ZNF285: variants seen among roughly 807,000 people sequenced by gnomAD.
ZNF285 encodes the protein zinc finger protein 285A.
Under a neutral mutation model 6.2 loss-of-function variants are expected in ZNF285, and 4 were observed. The ratio of observed to expected loss-of-function variants is 0.65; its 90% CI spans 0.32 to 1.49. The LOEUF (loss-of-function observed/expected upper bound fraction) is 1.49. ZNF285 is among the 40% of genes most tolerant of loss of function. The pLI is 0.07. For synonymous variants in ZNF285, 240 were observed against 245.8 expected, an observed-to-expected ratio of 0.98 and a Z score of 0.22; for missense variants, 695 against 708.8, an observed-to-expected ratio of 0.98 and a Z score of 0.22.
chr19:44,397,303 G>C, intron 1 of ZNF285, 47 bp from the exon 2 acceptor site: 6 of 1,602,004 alleles, frequency 3.7e-6, no homozygotes, highest in Non-Finnish European at 5.1e-6. Context: ...AACAAGTTGT[G>C]AATGAACATT....
In ZNF285 at chr19:44,386,990, A is replaced by G; in HGVS notation, c.1255T>C (p.Trp419Arg). The change falls in exon 4 of 4, where the codon TGG becomes CGG. Residue 419 changes from tryptophan (W) to arginine (R), a missense_variant. Transcript: ENST00000614994. The part of the protein sequence containing the change: ...FSSSSVLQVH[W>R]RFHTGEKPYR... ...GGTTTCTCCCCTGTGTGAAACCTCC[A>G]GTGGACTTGAAGAACGGAGCTTGAA... 6.2e-7 allele frequency: 1 copy of G among 1,614,060 alleles called. No homozygotes were observed. The highest frequency in any genetic ancestry group is 8.5e-7 in the Non-Finnish European group (1 of 1,179,988).
chr19:44,399,709 A>G (rs1164332892), intron 1 of ZNF285, among the ~76,000 whole-genome samples: 1 of 151,630 alleles, frequency 6.6e-6, no homozygotes, highest in African/African-American at 2.4e-5. Flanking sequence ...GTATCAAGTC[A>G]GGGCCGTGGC....
At chr19:44,389,413 A>C (rs925692650) in intron 3 of ZNF285, among the ~76,000 whole-genome samples, 1 of 152,192 alleles carries the variant, frequency 6.6e-6, no homozygotes, top group Non-Finnish European at 1.5e-5. Flanking sequence ...AAGGGAGACC[A>C]TGAGCTGCCC....
At chr19:44,392,305 A>C (rs770024140) in intron 3 of ZNF285, 35 bp downstream of exon 3, 1 of 1,613,026 alleles carries the variant, frequency 6.2e-7, no homozygotes, top group Admixed American at 1.7e-5. Context: ...TGATTTGAGG[A>C]AACAGGTCCA....
chr19:44,396,970 T>G (rs1363618429), intron 2 of ZNF285: 1 of 586,442 alleles, frequency 1.7e-6, no homozygotes, highest in Non-Finnish European at 3.1e-6. Context: ...TACTGATACA[T>G]GAACTACACT....
rs760777416 is a variant in ZNF285 at position 44,386,436 on chromosome 19, C to T, written c.*36G>A. 8.2e-6 allele frequency: 13 copies of T among 1,584,904 alleles called. No individual in the cohort carries two copies. Among genetic ancestry groups the T allele is most frequent in the Non-Finnish European group, 1.1e-5 (13 of 1,163,734 alleles). On this transcript the variant is annotated 3_prime_UTR_variant, in exon 4 of 4. Transcript: ENST00000614994. ...CTCTATCATCTGGAATACAGTGTGG[C>T]TTCTGTTTTACTAATTGAACCCTGA...
At position 44,385,583 on chromosome 19, in the gene ZNF285, T is replaced by G. The variant is rs566933544; in HGVS notation, c.*889A>C. 6.6e-6 allele frequency: 1 copy of G among 152,218 alleles called. No individual in the cohort carries two copies. The highest frequency in any genetic ancestry group is 1.5e-5 in the Non-Finnish European group (1 of 68,032). 9.4% of individuals were successfully genotyped at this position (152,218 alleles called of 1,614,324 possible). On this transcript the variant is annotated 3_prime_UTR_variant, in exon 4 of 4. Coordinates refer to ENST00000614994, the MANE Select transcript of ZNF285 (RefSeq NM_152354.6). The stretch of plus-strand genomic sequence containing the variant: ...ATGAAACATATTGCTATAAAATCCC[T>G]CCATGCTAGTCAGGATAGCCTAGGC...
chr19:44,386,366 G>C lies in ZNF285; in HGVS notation c.*106C>G. ...GCAGGCTGACATTATCGATGGCAGT[G>C]TCCCTGTCTTTTGCTCCCCTAGCCC... is the stretch of plus-strand genomic sequence containing the variant. On this transcript the variant is annotated 3_prime_UTR_variant, in exon 4 of 4. Coordinates refer to ENST00000614994, the MANE Select transcript of ZNF285 (RefSeq NM_152354.6). 1 of 1,201,200 alleles carries C rather than the reference G, an allele frequency of 8.3e-7. No homozygotes were observed. Among genetic ancestry groups the C allele is most frequent in the Non-Finnish European group, 1.1e-6 (1 of 870,526 alleles). 74.4% of individuals were successfully genotyped at this position (1,201,200 alleles called of 1,614,324 possible).
intron 3 of ZNF285, among the ~76,000 whole-genome samples, chr19:44,390,417 G>A (rs1971173576): frequency 6.6e-6 from 1 of 152,128 alleles, no homozygotes; most frequent in Non-Finnish European, 1.5e-5. Context: ...GACTTGCATG[G>A]GGCCTGTAGC....
rs759063416 is a variant in ZNF285 at position 44,387,016 on chromosome 19, C to A, written c.1229G>T (p.Ser410Ile). Residue 410 changes from serine to isoleucine, a missense_variant, in exon 4 of 4, where the codon AGT becomes ATT. By Grantham distance (142) the Ser-to-Ile change is moderately radical (BLOSUM62 -2). Transcript: ENST00000614994. ...GTGGACTTGAAGAACGGAGCTTGAA[C>A]TAAAGCACTTGCCACACTCACTGCA... ...YKCSECGKCF[S>I]SSSVLQVHWR... 4.0e-5 allele frequency: 64 copies of A among 1,614,012 alleles called. No homozygotes were observed. Among genetic ancestry groups the A allele is most frequent in the Non-Finnish European group, 5.1e-5 (60 of 1,180,036 alleles).
rs879502439 is a variant in ZNF285, at chr19:44,388,255, C to A, written c.143-153G>T. 5.3e-5 allele frequency among the ~76,000 whole-genome samples: 8 copies of A among 151,566 alleles called. No individual in the cohort carries two copies. The highest frequency in any genetic ancestry group is 1.2e-4 in the Non-Finnish European group (8 of 68,022). Reference sequence around the variant, plus strand: ...CACGGTAATTCTAACCTGTGAGCTGCCAATTAGAAATCAAGTGTTGTAGGG... The same window carrying A: ...CACGGTAATTCTAACCTGTGAGCTGACAATTAGAAATCAAGTGTTGTAGGG... On this transcript the variant is annotated intron_variant, in intron 3 of 3. Coordinates refer to ENST00000614994, the MANE Select transcript of ZNF285 (RefSeq NM_152354.6).
At chr19:44,393,787 C>T (rs1432427073) in intron 2 of ZNF285, among the ~76,000 whole-genome samples, 1 of 152,072 alleles carries the variant, frequency 6.6e-6, no homozygotes, top group Non-Finnish European at 1.5e-5. Context: ...TGTGGAGAAA[C>T]AGGGACACTT....
At position 44,388,212 on chromosome 19, in the gene ZNF285, G is replaced by A. The variant is rs531868349; in HGVS notation, c.143-110C>T. The stretch of plus-strand genomic sequence containing the variant: ...GAAGTTGTCCCTGGGTTCTATTGAC[G>A]TATGAAACAATTAGAGCCACGGTAA... On this transcript the variant is annotated intron_variant, in intron 3 of 3. Transcript: ENST00000614994. 3.3e-3 allele frequency: 3,232 copies of A among 983,988 alleles called. 61 individuals carry two copies. The African/African-American group carries it at 0.045, about 14-fold the overall frequency. 61.0% of individuals were successfully genotyped at this position (983,988 alleles called of 1,614,324 possible). A position where few individuals can be genotyped will look rare whatever the true frequency, so the allele number is the denominator to read the frequency against.
At position 44,386,740 on chromosome 19, in the gene ZNF285, T is replaced by G; in HGVS notation, c.1505A>C (p.His502Pro). Residue 502 changes from histidine to proline, a missense_variant, in exon 4 of 4, where the codon CAT (histidine) becomes CCT (proline). Physicochemically the swap from His to Pro is moderately conservative, Grantham distance 77. Transcript: ENST00000614994. ...TTTCTCTCTGATGTGATCTCTTTGA[T>G]GTAAGTGAAAATATGAACTGTAACT... is the stretch of plus-strand genomic sequence containing the variant. ...CFSYSSYFHL[H>P]QRDHIREKPY... is the part of the protein sequence containing the mutation. The G allele has an allele frequency of 6.2e-7, 1 of 1,614,214 alleles. No homozygotes were observed. Among genetic ancestry groups the G allele is most frequent in the Non-Finnish European group, 8.5e-7 (1 of 1,180,022 alleles).
intron 3 of ZNF285, among the ~76,000 whole-genome samples, chr19:44,389,412 C>T (rs1244253300): frequency 1.3e-5 from 2 of 152,094 alleles, no homozygotes; most frequent in Non-Finnish European, 2.9e-5. Context: ...AAAGGGAGAC[C>T]ATGAGCTGCC....
At chr19:44,399,419 T>G (rs1971339596) in intron 1 of ZNF285, among the ~76,000 whole-genome samples, 1 of 143,788 alleles carries the variant, frequency 7.0e-6, no homozygotes, top group South Asian at 2.2e-4. Flanking sequence ...CAAGCTGTAG[T>G]CTTTTATCCA....
At chr19:44,388,634 C>T (rs1262238013) in intron 3 of ZNF285, among the ~76,000 whole-genome samples, 2 of 151,602 alleles carry the variant, frequency 1.3e-5, no homozygotes, top group East Asian at 1.9e-4. Context: ...AAGAAATTCA[C>T]CTCCCTGCTA....
At chr19:44,391,256 G>C (rs1427889413) in intron 3 of ZNF285, among the ~76,000 whole-genome samples, 1 of 151,912 alleles carries the variant, frequency 6.6e-6, no homozygotes, top group Non-Finnish European at 1.5e-5. Context: ...GCCTCCCCAG[G>C]CACGTGGAAC....
Position 44,386,557 on chromosome 19 carries a change from A to C in ZNF285, c.1688T>G (p.Ile563Arg), listed in dbSNP as rs753168258. 6.2e-7 allele frequency: 1 copy of C among 1,614,178 alleles called. No individual in the cohort carries two copies. Among genetic ancestry groups the C allele is most frequent in the Non-Finnish European group, 8.5e-7 (1 of 1,180,004 alleles). ...SYLLAHQRVH[I>R]DETQYTHCER... Reference sequence around the variant, plus strand: ...ACAGTGTGTGTACTGTGTCTCATCTATATGCACTCTCTGATGGGCAAGGAG... The same window carrying C: ...ACAGTGTGTGTACTGTGTCTCATCTCTATGCACTCTCTGATGGGCAAGGAG... Residue 563 changes from isoleucine (I) to arginine (R), a missense_variant, in exon 4 of 4, where the codon ATA (isoleucine) becomes AGA (arginine). Ile to Arg is a moderately conservative substitution (Grantham distance 97). Transcript: ENST00000614994.
Sources: gnomAD v4.1 joint callset for allele counts (sites outside exome capture counted in the v4.1 genomes callset) on GRCh38, gnomAD v4.1.1 for gene constraint, MANE v1.5 for transcripts, NCBI Gene and HGNC (gene_info 2026-07-23, HGNC 2026-07-21) for gene names.